PIERCE2: variants seen among roughly 807,000 people sequenced by gnomAD.
PIERCE2 encodes the protein piercer of microtubule wall 2.
At chr15:55,416,117 GAGAT>G in the PIERCE2 span, among the ~76,000 whole-genome samples, 1 of 145,938 alleles carries the variant, frequency 6.9e-6, no homozygotes, top group South Asian at 2.2e-4. Context: ...GAGAGAGAGA[GAGAT>G]AGAGTCTTTT....
chr15:55,412,988 G>T, the PIERCE2 span, among the ~76,000 whole-genome samples: 1 of 152,122 alleles, frequency 6.6e-6, no homozygotes, highest in Non-Finnish European at 1.5e-5. Context: ...AAAAATTAAG[G>T]CTGGGCGCGG....
chr15:55,413,834 CTTTT>C, the PIERCE2 span, among the ~76,000 whole-genome samples: 6 of 149,458 alleles, frequency 4.0e-5, no homozygotes, highest in East Asian at 2.0e-4. Flanking sequence ...CTCATTAGGA[CTTTT>C]TTTATTTTTC....
chr15:55,417,622 A>G, the PIERCE2 span: 1 of 152,260 alleles, frequency 6.6e-6, no homozygotes, highest in Non-Finnish European at 1.5e-5. Context: ...ATTTTTAAAT[A>G]AATTCTCATA....
the PIERCE2 span, among the ~76,000 whole-genome samples, chr15:55,411,901 A>G: frequency 6.6e-6 from 1 of 151,280 alleles, no homozygotes; most frequent in South Asian, 2.1e-4. Flanking sequence ...AGCCTGGGCA[A>G]CAAGAGCAAA....
chr15:55,418,319 ATG>A, the PIERCE2 span: 4 of 1,545,048 alleles, frequency 2.6e-6, no homozygotes, highest in Non-Finnish European at 3.5e-6. Context: ...GTTTTCATGT[ATG>A]TTGGATCCAA....
At chr15:55,410,894 A>T in the PIERCE2 span, 1 of 152,226 alleles carries the variant, frequency 6.6e-6, no homozygotes, top group South Asian at 2.1e-4. Flanking sequence ...AAAATTTTAA[A>T]ATTCTTATGA....
At chr15:55,414,040 G>A in the PIERCE2 span, among the ~76,000 whole-genome samples, 1 of 151,284 alleles carries the variant, frequency 6.6e-6, no homozygotes, top group East Asian at 2.0e-4. Flanking sequence ...TGGGACTACA[G>A]GCGCCCGCCA....
At chr15:55,410,454 A>C in the PIERCE2 span, 4 of 152,332 alleles carry the variant, frequency 2.6e-5, no homozygotes, top group South Asian at 8.3e-4. Context: ...GTTCGAGACC[A>C]GCCTGACCAA....
the PIERCE2 span, chr15:55,418,744 T>C: frequency 1.9e-6 from 1 of 515,324 alleles, no homozygotes; most frequent in East Asian, 3.2e-5. Flanking sequence ...AATGAAAATA[T>C]GTTCAAAATA....
At chr15:55,416,261 C>G in the PIERCE2 span, among the ~76,000 whole-genome samples, 5 of 152,016 alleles carry the variant, frequency 3.3e-5, no homozygotes, top group South Asian at 1.0e-3. Flanking sequence ...CCCACCACAA[C>G]CAGCTAATTT....
chr15:55,412,439 G>T, the PIERCE2 span, among the ~76,000 whole-genome samples: 1 of 152,162 alleles, frequency 6.6e-6, no homozygotes, highest in Non-Finnish European at 1.5e-5. Context: ...AGATCTGAGA[G>T]GTCAAATAAT....
At chr15:55,410,844 C>G in the PIERCE2 span, 2 of 152,008 alleles carry the variant, frequency 1.3e-5, no homozygotes, top group Admixed American at 6.6e-5. Context: ...CTGAGGAAAC[C>G]TAGAAAATTT....
chr15:55,412,947 T>C, the PIERCE2 span, among the ~76,000 whole-genome samples: 1 of 151,936 alleles, frequency 6.6e-6, no homozygotes, highest in Non-Finnish European at 1.5e-5. Context: ...CTGGGCAACA[T>C]AGCAAGACCT....
At chr15:55,408,767 A>C in the PIERCE2 span, 1 of 1,526,986 alleles carries the variant, frequency 6.5e-7, no homozygotes. Context: ...AGAAGAGCGA[A>C]AATGACAGAC....
chr15:55,411,394 G>A, the PIERCE2 span, among the ~76,000 whole-genome samples: 2 of 152,222 alleles, frequency 1.3e-5, no homozygotes, highest in South Asian at 4.1e-4. Context: ...AACCTGGGAC[G>A]CAGAGGTTAC....
chr15:55,418,643 C>T, the PIERCE2 span: 2 of 1,017,044 alleles, frequency 2.0e-6, no homozygotes, highest in Non-Finnish European at 2.7e-6. Context: ...GGGTAGAATA[C>T]CTAATAAAGA....
chr15:55,411,923 CA>C, the PIERCE2 span, among the ~76,000 whole-genome samples: 4 of 148,818 alleles, frequency 2.7e-5, no homozygotes, highest in Admixed American at 1.3e-4. Flanking sequence ...CTCCTTCTCA[CA>C]AAAAAAAATA....
the PIERCE2 span, among the ~76,000 whole-genome samples, chr15:55,417,005 C>T: frequency 6.7e-6 from 1 of 150,322 alleles, no homozygotes; most frequent in African/African-American, 2.4e-5. Flanking sequence ...AAATTTGCTC[C>T]ATCTCCATGC....
chr15:55,418,376 A>G, the PIERCE2 span: 1 of 1,536,530 alleles, frequency 6.5e-7, no homozygotes, highest in South Asian at 1.2e-5. Context: ...TCAAATGATT[A>G]TGTATAAAAC....
Sources: allele counts gnomAD v4.1 joint callset (sites outside exome capture counted in the v4.1 genomes callset), GRCh38; gene constraint gnomAD v4.1.1; transcripts MANE v1.5; gene names NCBI Gene and HGNC (gene_info 2026-07-23, HGNC 2026-07-21).